NDUFA5: variants seen among roughly 807,000 people sequenced by gnomAD.
NDUFA5 encodes NADH dehydrogenase [ubiquinone] 1 alpha subcomplex subunit 5.
A neutral mutation model predicts 19.8 loss-of-function variants in NDUFA5; 11 were observed. That is an observed-to-expected ratio of 0.56 (90% CI 0.35 to 0.92). NDUFA5 has a LOEUF of 0.92. Ranked by LOEUF, NDUFA5 falls within the 40% of genes least tolerant of loss-of-function variation. The pLI is 0.01. For missense variants in NDUFA5, 109 were observed against 134.2 expected, an observed-to-expected ratio of 0.81 and a Z score of 0.93; for synonymous variants, 47 against 46.8, an observed-to-expected ratio of 1.00 and a Z score of -0.01.
chr7:123,559,136 T>C (rs1798652090), upstream of NDUFA5, among the ~76,000 whole-genome samples: 1 of 151,976 alleles, frequency 6.6e-6, no homozygotes, highest in African/African-American at 2.4e-5. Flanking sequence ...CCATCACTAA[T>C]AGCCTTGCTG....
At chr7:123,569,024 T>G in the NDUFA5 span, among the ~76,000 whole-genome samples, 2 of 152,196 alleles carry the variant, frequency 1.3e-5, no homozygotes, top group Non-Finnish European at 2.9e-5. Context: ...ATATGAATGT[T>G]TTTTAAAAAC....
At chr7:123,595,749 TA>T in the NDUFA5 span, among the ~76,000 whole-genome samples, 1 of 152,198 alleles carries the variant, frequency 6.6e-6, no homozygotes, top group Non-Finnish European at 1.5e-5. Flanking sequence ...CTTGACTTTG[TA>T]AATGCTCTTT....
At chr7:123,566,855 G>A in the NDUFA5 span, among the ~76,000 whole-genome samples, 1 of 152,130 alleles carries the variant, frequency 6.6e-6, no homozygotes, top group Non-Finnish European at 1.5e-5. Flanking sequence ...AGGCAATGCT[G>A]GTATAGTCAC....
chr7:123,576,621 C>T, the NDUFA5 span, among the ~76,000 whole-genome samples: 3 of 152,154 alleles, frequency 2.0e-5, no homozygotes, highest in Admixed American at 6.6e-5. Flanking sequence ...TCCACATCCT[C>T]GGCTTCTCTG....
At chr7:123,557,559 G>GT in intron 1 of NDUFA5, 111 bp from the exon 2 acceptor site, 2 of 1,611,738 alleles carry the variant, frequency 1.2e-6, no homozygotes, top group Non-Finnish European at 1.7e-6. Flanking sequence ...TCTAAAGCCA[G>GT]CTACTGGTCT....
chr7:123,595,914 A>C, the NDUFA5 span, among the ~76,000 whole-genome samples: 1 of 152,288 alleles, frequency 6.6e-6, no homozygotes, highest in African/African-American at 2.4e-5. Context: ...TCAAAACTCA[A>C]TCTGATTTAA....
chr7:123,582,753 T>C, the NDUFA5 span, among the ~76,000 whole-genome samples: 2 of 152,018 alleles, frequency 1.3e-5, no homozygotes, highest in African/African-American at 4.8e-5. Context: ...CATCACCTTC[T>C]TTTGATCATC....
At chr7:123,543,879 A>C (rs546895327) in intron 4 of NDUFA5, among the ~76,000 whole-genome samples, 1 of 152,306 alleles carries the variant, frequency 6.6e-6, no homozygotes, top group South Asian at 2.1e-4. Flanking sequence ...AGGCCTTTGA[A>C]TAACTGAAAC....
chr7:123,538,378 C>T lies in NDUFA5; in HGVS notation c.*3741G>A, dbSNP rs868564568. ...GTCTCTCAAATGAATTCTTCCTGTC[C>T]CCATCAATCATTCAAACCCCTTATC... On this transcript the variant is annotated 3_prime_UTR_variant, in exon 5 of 5. Coordinates refer to ENST00000355749, the MANE Select transcript of NDUFA5 (RefSeq NM_005000.5). 5 of 152,116 alleles carry T rather than the reference C, an allele frequency of 3.3e-5. No individual in the cohort carries two copies. The highest frequency in any genetic ancestry group is 1.2e-4 in the African/African-American group (5 of 41,398). The allele number at this position is 152,116 out of a possible 1,614,324, so 9.4% of individuals were successfully genotyped here. A position where few individuals can be genotyped will look rare whatever the true frequency, so the allele number is the denominator to read the frequency against.
intron 2 of NDUFA5, 99 bp from the exon 3 acceptor site, chr7:123,550,685 G>GT (rs1236764840): frequency 0.13 from 55,498 of 415,382 alleles, 34 homozygotes; most frequent in South Asian, 0.19. Context: ...ACTCACATCT[G>GT]TTTTTTTTTT....
chr7:123,552,709 C>T (rs1289795370), intron 2 of NDUFA5, among the ~76,000 whole-genome samples: 1 of 145,080 alleles, frequency 6.9e-6, no homozygotes, highest in Non-Finnish European at 1.5e-5. Flanking sequence ...AATAAAAAAG[C>T]AGATAAGCTA....
At chr7:123,600,459 T>A in the NDUFA5 span, among the ~76,000 whole-genome samples, 1 of 152,168 alleles carries the variant, frequency 6.6e-6, no homozygotes, top group Non-Finnish European at 1.5e-5. Flanking sequence ...CCCACACATT[T>A]GCATTATACT....
chr7:123,558,092 C>T, upstream of NDUFA5: 1 of 534,706 alleles, frequency 1.9e-6, no homozygotes, highest in Non-Finnish European at 3.4e-6. Flanking sequence ...TTGAGGGAAA[C>T]ACTCCCAACT....
At chr7:123,591,166 C>A in the NDUFA5 span, among the ~76,000 whole-genome samples, 1 of 152,140 alleles carries the variant, frequency 6.6e-6, no homozygotes, top group Non-Finnish European at 1.5e-5. Flanking sequence ...TGAGACTTTG[C>A]TGAAGTTGCT....
chr7:123,593,338 C>G, the NDUFA5 span, among the ~76,000 whole-genome samples: 1 of 151,970 alleles, frequency 6.6e-6, no homozygotes, highest in Non-Finnish European at 1.5e-5. Context: ...TTATTTTGCC[C>G]GTTAATTGAT....
intron 2 of NDUFA5, among the ~76,000 whole-genome samples, chr7:123,551,108 G>A (rs1200120794): frequency 6.6e-6 from 1 of 151,622 alleles, no homozygotes; most frequent in African/African-American, 2.4e-5. Flanking sequence ...GGTAGAGACG[G>A]GGTTTTGCCA....
At chr7:123,580,757 A>T in the NDUFA5 span, among the ~76,000 whole-genome samples, 25 of 151,950 alleles carry the variant, frequency 1.6e-4, no homozygotes, top group Non-Finnish European at 3.2e-4. Flanking sequence ...AACCTGCACA[A>T]CCGTACCTGG....
upstream of NDUFA5, chr7:123,557,943 G>T: frequency 7.2e-7 from 1 of 1,381,952 alleles, no homozygotes; most frequent in Non-Finnish European, 1.0e-6. Context: ...ACTCTGCCCC[G>T]CCCATCTTAA....
At chr7:123,568,841 T>C in the NDUFA5 span, among the ~76,000 whole-genome samples, 2 of 152,060 alleles carry the variant, frequency 1.3e-5, no homozygotes, top group African/African-American at 2.4e-5. Flanking sequence ...AGATATAGAA[T>C]GAGAAAATTA....
Sources: allele counts gnomAD v4.1 joint callset (sites outside exome capture counted in the v4.1 genomes callset), GRCh38; gene constraint gnomAD v4.1.1; transcripts MANE v1.5; gene names NCBI Gene and HGNC (gene_info 2026-07-23, HGNC 2026-07-21).